BRD1: variants seen among roughly 807,000 people sequenced by gnomAD.
BRD1 encodes bromodomain-containing protein 1.
In BRD1, 24 loss-of-function variants were observed where a neutral mutation model predicts 107.7. The observed-to-expected ratio is 0.22, with a 90% confidence interval of 0.16 to 0.31. The LOEUF is 0.31. Among genes scored for constraint, BRD1 ranks in the 10% least tolerant of loss-of-function variants. BRD1 has a pLI of 1.00. For missense variants in BRD1, 1,279 were observed against 1,638.6 expected (o/e 0.78, Z 3.79); for synonymous variants, 744 against 686.1 (o/e 1.08, Z -1.32).
At chr22:49,800,124 C>T (rs2059614149) in intron 3 of BRD1, among the ~76,000 whole-genome samples, 1 of 152,194 alleles carries the variant, frequency 6.6e-6, no homozygotes, top group South Asian at 2.1e-4. Context: ...TCCCACCTGC[C>T]CACCTCAGGG....
At chr22:49,786,308 C>A (rs549010341) in intron 8 of BRD1, among the ~76,000 whole-genome samples, 2 of 152,278 alleles carry the variant, frequency 1.3e-5, no homozygotes, top group Admixed American at 1.3e-4. Flanking sequence ...AGAAGCAAAC[C>A]GATGACAGCT....
rs377610345 is a variant in BRD1, at chr22:49,777,210, G to C, written c.2994-49C>G. 5.0e-6 allele frequency: 8 copies of C among 1,601,814 alleles called. No homozygotes were observed. The African/African-American group carries it at 8.0e-5, about 16-fold the overall frequency. The stretch of plus-strand genomic sequence containing the variant: ...GTCAGGCGCCCCGCCCCTGCCTTCA[G>C]CCTCACTCGGGCTTCGTCCCGTGAG... On this transcript the variant is annotated intron_variant, in intron 9 of 12. Transcript: ENST00000404760.
intron 3 of BRD1, among the ~76,000 whole-genome samples, chr22:49,801,253 C>T (rs1197662590): frequency 2.0e-5 from 3 of 152,224 alleles, no homozygotes; most frequent in Admixed American, 6.5e-5. Flanking sequence ...CTGCCGCCCC[C>T]GTTCTCCCTG....
intron 8 of BRD1, among the ~76,000 whole-genome samples, chr22:49,779,158 A>ACCTCCTGGGCTCAAGTGAT (rs1462237272): frequency 1.3e-5 from 2 of 151,722 alleles, no homozygotes; most frequent in African/African-American, 2.4e-5. Flanking sequence ...TGCAACCTTG[A>ACCTCCTGGGCTCAAGTGAT]CCTCCTGGGC....
At chr22:49,802,695 G>A (rs6009880) in intron 3 of BRD1, among the ~76,000 whole-genome samples, 35,720 of 136,658 alleles carry the variant, frequency 0.26, 6,198 homozygotes, top group African/African-American at 0.54. Flanking sequence ...CCAACATCGC[G>A]GGGGCCGAGA....
chr22:49,793,473 C>G (rs1018218616), intron 7 of BRD1, among the ~76,000 whole-genome samples: 2 of 152,208 alleles, frequency 1.3e-5, no homozygotes, highest in Non-Finnish European at 2.9e-5. Context: ...ACGGCTGCTA[C>G]CTACCAACTC....
At chr22:49,776,909 G>T in intron 10 of BRD1, 125 bp downstream of exon 10, 1 of 1,386,198 alleles carries the variant, frequency 7.2e-7, no homozygotes, top group Non-Finnish European at 9.9e-7. Context: ...CCGGGAGGTT[G>T]GCCAGGGTGG....
At chr22:49,811,371 G>C (rs1440197671) in intron 2 of BRD1, among the ~76,000 whole-genome samples, 5 of 152,140 alleles carry the variant, frequency 3.3e-5, no homozygotes. Flanking sequence ...CCACTCAACT[G>C]TACACTTCAC....
rs910780638 is a variant in BRD1, at chr22:49,803,980, A to G, written c.1524+224T>C. Among the ~76,000 whole-genome samples the G allele has an allele frequency of 3.3e-5, 5 of 152,324 alleles. No individual in the cohort carries two copies. Among genetic ancestry groups the G allele is most frequent in the African/African-American group, 1.2e-4 (5 of 41,564 alleles). On this transcript the variant is annotated intron_variant, in intron 3 of 12. Transcript: ENST00000404760. This position sits in a 1 kb window ranked among gnomAD's most constrained non-coding sequence, Gnocchi z 4.4. ...GGGAGCGCAACTCAAAACGGAAGAA[A>G]CACCCAGTGACAGGCATGGATGAGA...
intron 8 of BRD1, among the ~76,000 whole-genome samples, chr22:49,779,323 C>T (rs1053399438): frequency 1.3e-5 from 2 of 152,200 alleles, no homozygotes; most frequent in African/African-American, 4.8e-5. Flanking sequence ...AATCAGCCTC[C>T]ACCCGCTTCA....
At chr22:49,777,572 G>A in intron 9 of BRD1, 106 bp downstream of exon 9, 1 of 1,476,060 alleles carries the variant, frequency 6.8e-7, no homozygotes, top group Non-Finnish European at 9.1e-7. Context: ...GAATTTTTCA[G>A]AGAACACTAA....
intron 2 of BRD1, 94 bp downstream of exon 2, chr22:49,822,857 G>A: frequency 7.0e-7 from 1 of 1,436,388 alleles, no homozygotes; most frequent in African/African-American, 1.4e-5. Context: ...GAAACGCAAT[G>A]ACCACACAGC....
intron 8 of BRD1, among the ~76,000 whole-genome samples, chr22:49,781,544 G>A (rs910070084): frequency 2.6e-5 from 4 of 152,226 alleles, no homozygotes; most frequent in Admixed American, 6.5e-5. Context: ...AGTGGCTGCC[G>A]AGACACCTGA....
intron 8 of BRD1, among the ~76,000 whole-genome samples, chr22:49,782,449 C>T (rs1295702231): frequency 1.4e-5 from 2 of 145,348 alleles, no homozygotes; most frequent in South Asian, 2.2e-4. Context: ...ACAAGACTTG[C>T]TCTGTGACAA....
chr22:49,776,216 G>GTGT, intron 10 of BRD1, 57 bp from the exon 11 acceptor site: 1 of 1,475,700 alleles, frequency 6.8e-7, no homozygotes, highest in Non-Finnish European at 9.3e-7. Flanking sequence ...GGCACGCCCC[G>GTGT]CCCCCCCACA....
At position 49,798,179 on chromosome 22, in the gene BRD1, A is replaced by G. The variant is rs1175682382; in HGVS notation, c.1786-62T>C. 6.9e-6 allele frequency: 10 copies of G among 1,452,250 alleles called. No homozygotes were observed. The Admixed American group carries it at 1.9e-4, about 28-fold the overall frequency. The allele number at this position is 1,452,250 out of a possible 1,614,324, so 90.0% of individuals were successfully genotyped here. On this transcript the variant is annotated intron_variant, in intron 5 of 12. Coordinates refer to ENST00000404760, the MANE Select transcript of BRD1 (RefSeq NM_001304808.3). The stretch of plus-strand genomic sequence containing the variant: ...AAAACAGGATATTAGTTGACTCTAT[A>G]TTTATTATTCCATATAACCCACAAG...
intron 2 of BRD1, among the ~76,000 whole-genome samples, chr22:49,808,889 C>A (rs1706844556): frequency 1.3e-5 from 2 of 152,138 alleles, no homozygotes; most frequent in Admixed American, 1.3e-4. Flanking sequence ...GAAGCCGAGG[C>A]AGGCAGATCA....
intron 6 of BRD1, among the ~76,000 whole-genome samples, chr22:49,796,034 G>A (rs916741353): frequency 2.0e-5 from 3 of 152,122 alleles, no homozygotes; most frequent in Non-Finnish European, 2.9e-5. Context: ...CAAGAAAAAC[G>A]TGTTACTCTT....
intron 2 of BRD1, among the ~76,000 whole-genome samples, chr22:49,816,061 G>A (rs955986199): frequency 6.6e-5 from 10 of 152,074 alleles, no homozygotes; most frequent in African/African-American, 1.9e-4. Flanking sequence ...CACACCGCCC[G>A]GGAGGTACCC....
Sources: allele counts gnomAD v4.1 joint callset (sites outside exome capture counted in the v4.1 genomes callset), GRCh38; gene constraint gnomAD v4.1.1; non-coding constraint Gnocchi (gnomAD v3.1); transcripts MANE v1.5; gene names NCBI Gene and HGNC (gene_info 2026-07-23, HGNC 2026-07-21).